SHOC1: variants seen among roughly 807,000 people sequenced by gnomAD.
The protein encoded by SHOC1 is shortage in chiasmata 1.
Under a neutral mutation model 179.2 loss-of-function variants are expected in SHOC1, and 136 were observed. The ratio of observed to expected loss-of-function variants is 0.76; its 90% CI spans 0.66 to 0.87. The LOEUF is 0.87. Among genes scored for constraint, SHOC1 ranks in the 40% least tolerant of loss-of-function variants. SHOC1 has a pLI of 0.00. For missense variants in SHOC1, 1,538 were observed against 1,700.8 expected (o/e 0.90, Z 1.68); for synonymous variants, 489 against 586.6 (o/e 0.83, Z 2.41).
chr9:111,745,743 T>C (rs1201380747), intron 10 of SHOC1, among the ~76,000 whole-genome samples: 2 of 152,204 alleles, frequency 1.3e-5, no homozygotes, highest in Non-Finnish European at 2.9e-5. Flanking sequence ...ATCTGTGGTA[T>C]TTGTTAGGGC....
At chr9:111,763,174 A>G (rs1835210675) in intron 5 of SHOC1, among the ~76,000 whole-genome samples, 2 of 151,982 alleles carry the variant, frequency 1.3e-5, no homozygotes, top group Non-Finnish European at 2.9e-5. Context: ...TTATGAAGAA[A>G]AATTTTAAAC....
At chr9:111,716,708 T>A (rs930031473) in intron 16 of SHOC1, among the ~76,000 whole-genome samples, 1 of 152,276 alleles carries the variant, frequency 6.6e-6, no homozygotes, top group Admixed American at 6.5e-5. Flanking sequence ...ATTATTTATT[T>A]AATCCAAGGC....
chr9:111,728,890 C>T (rs2131442185), intron 12 of SHOC1, among the ~76,000 whole-genome samples: 1 of 152,232 alleles, frequency 6.6e-6, no homozygotes, highest in South Asian at 2.1e-4. Flanking sequence ...TCGACCATCA[C>T]AATAAAGTAA....
chr9:111,744,085 A>C (rs1242354681), intron 10 of SHOC1, among the ~76,000 whole-genome samples: 1 of 152,222 alleles, frequency 6.6e-6, no homozygotes, highest in Admixed American at 6.5e-5. Context: ...CTTGTGATTA[A>C]AAAGAGCTTA....
Position 111,787,507 on chromosome 9 carries a change from G to T in SHOC1, c.46-1472C>A, listed in dbSNP as rs572925122. ...TATAGAGGTGATAGAAATAGCAAGA[G>T]AATTTGAATTAAAAATGGAGCCTGA... On this transcript the variant is annotated intron_variant, in intron 2 of 27. Transcript: ENST00000682961. 2.6e-5 allele frequency among the ~76,000 whole-genome samples: 4 copies of T among 152,300 alleles called. No homozygotes were observed. The South Asian group carries it at 8.3e-4, about 32-fold the overall frequency.
At chr9:111,713,035 G>T in intron 18 of SHOC1, 65 bp downstream of exon 18, 1 of 1,007,014 alleles carries the variant, frequency 9.9e-7, no homozygotes, top group Non-Finnish European at 1.5e-6. Context: ...AAGCTGGTTA[G>T]ATCAATACAC....
intron 10 of SHOC1, among the ~76,000 whole-genome samples, chr9:111,743,751 G>A (rs1306771040): frequency 6.6e-6 from 1 of 152,106 alleles, no homozygotes; most frequent in Non-Finnish European, 1.5e-5. Flanking sequence ...AGTATATATA[G>A]GGTTCAATAA....
At chr9:111,794,290 A>T (rs1836549470) in intron 1 of SHOC1, among the ~76,000 whole-genome samples, 1 of 122,000 alleles carries the variant, frequency 8.2e-6, no homozygotes, top group African/African-American at 2.9e-5. Flanking sequence ...AAAAAAAAAA[A>T]ATAATAAGAT....
rs144528529 is a variant in SHOC1, at chr9:111,722,501, G to A, written c.2039C>T (p.Thr680Ile). The A allele has an allele frequency of 4.7e-5, 75 of 1,612,856 alleles. No homozygotes were observed. Among genetic ancestry groups the A allele is most frequent in the Non-Finnish European group, 5.9e-5 (70 of 1,179,756 alleles). ...AACAGTGGCAAATTTCCAATTAGCA[G>A]TAGGGAGGGTACACAAGGATACAAG... The part of the protein sequence containing the change: ...KNLVSLCTLP[T>I]ANWKFATVIF... The change falls in exon 15 of 28, where the codon ACT becomes ATT. Residue 680 changes from threonine to isoleucine, a missense_variant. By Grantham distance (89) the Thr-to-Ile change is moderately conservative. Coordinates refer to ENST00000682961, the MANE Select transcript of SHOC1 (RefSeq NM_001378211.1).
intron 26 of SHOC1, among the ~76,000 whole-genome samples, chr9:111,693,421 C>CAAAAAA (rs59200447): frequency 5.8e-5 from 5 of 85,820 alleles, no homozygotes; most frequent in Non-Finnish European, 1.2e-4. Context: ...CCCGTTTCTA[C>CAAAAAA]AAAAAAAAAA....
intron 18 of SHOC1, 33 bp downstream of exon 18, chr9:111,713,067 T>C (rs745555694): frequency 1.7e-5 from 22 of 1,267,852 alleles, no homozygotes; most frequent in Non-Finnish European, 2.3e-5. Flanking sequence ...CAAGCATTTG[T>C]TATCAAATGA....
At position 111,702,140 on chromosome 9, in the gene SHOC1, C is replaced by A. The variant is rs754701087; in HGVS notation, c.3054G>T (p.Trp1018Cys). ...MALSLQYRYC[W>C]IILYTKETLN... ...ATGTTTCTTTGGTATATAAAATTAT[C>A]CAACAATATCTGTACTGTAATGATA... Residue 1018 changes from tryptophan (W) to cysteine (C), a missense_variant, in exon 23 of 28, where the codon TGG (tryptophan) becomes TGT (cysteine). By Grantham distance (215) the Trp-to-Cys change is radical. Transcript: ENST00000682961. 6.1e-6 allele frequency: 9 copies of A among 1,483,804 alleles called. No homozygotes were observed. In the East Asian group the frequency reaches 1.9e-4, roughly 31 times the overall value. The allele number at this position is 1,483,804 out of a possible 1,614,324, so 91.9% of individuals were successfully genotyped here. A position where few individuals can be genotyped will look rare whatever the true frequency, so the allele number is the denominator to read the frequency against.
rs968860284 is a variant in SHOC1 at position 111,707,855 on chromosome 9, C to T, written c.2558G>A (p.Gly853Asp). 1.0e-5 allele frequency: 16 copies of T among 1,567,238 alleles called. No individual in the cohort carries two copies. In the Admixed American group the frequency reaches 2.2e-4, roughly 21 times the overall value. Residue 853 changes from glycine (G) to aspartate (D), a missense_variant and splice_region_variant, in exon 19 of 28, where the codon GGT (glycine) becomes GAT (aspartate). By Grantham distance (94) the Gly-to-Asp change is moderately conservative. Coordinates refer to ENST00000682961, the MANE Select transcript of SHOC1 (RefSeq NM_001378211.1). ...CACAGATGAAGGAATGAATTTTTAC[C>T]CCCTTAAAACACCTTCAGATTCCAG... ...DFLESEGVLR[G>D]TSSCVVVHNQ...
intron 12 of SHOC1, among the ~76,000 whole-genome samples, chr9:111,731,476 A>C (rs918986191): frequency 1.3e-5 from 2 of 152,162 alleles, no homozygotes; most frequent in African/African-American, 4.8e-5. Context: ...ACAGACATAG[A>C]GTGGGCCAAG....
At chr9:111,760,214 T>G (rs1368962074) in intron 5 of SHOC1, among the ~76,000 whole-genome samples, 2 of 152,220 alleles carry the variant, frequency 1.3e-5, no homozygotes, top group Admixed American at 1.3e-4. Context: ...TATATGGTCT[T>G]GTTTTCCATC....
Position 111,693,809 on chromosome 9 carries a change from T to G in SHOC1, c.3455A>C (p.Lys1152Thr), listed in dbSNP as rs1685730415. Residue 1152 changes from lysine (K) to threonine (T), a missense_variant, in exon 26 of 28, where the codon AAA (lysine) becomes ACA (threonine). Lys to Thr is a moderately conservative substitution (Grantham distance 78). Coordinates refer to ENST00000682961, the MANE Select transcript of SHOC1 (RefSeq NM_001378211.1). ...TCTCAAATAACTAACCTTTAACACT[T>G]TTTCTGGGACTTCAGGTAGGAGTTC... ...LQELLPEVPEKVLKHFCSITS... is the reference protein window; with the variant it reads ...LQELLPEVPETVLKHFCSITS... 6.2e-7 allele frequency: 1 copy of G among 1,606,878 alleles called. No individual in the cohort carries two copies. Among genetic ancestry groups the G allele is most frequent in the Non-Finnish European group, 8.5e-7 (1 of 1,176,176 alleles).
Position 111,760,376 on chromosome 9 carries a change from A to G in SHOC1, c.443-1528T>C, listed in dbSNP as rs551314286. The stretch of plus-strand genomic sequence containing the variant: ...CTGGAGTTCTTATTTTACTACAGCT[A>G]ATACATGTACTATACAGATATAAGG... On this transcript the variant is annotated intron_variant, in intron 5 of 27. Transcript: ENST00000682961. Among the ~76,000 whole-genome samples the G allele has an allele frequency of 2.0e-5, 3 of 152,288 alleles. No homozygotes were observed. In the South Asian group the frequency reaches 6.2e-4, roughly 32 times the overall value.
chr9:111,791,944 T>A (rs1163846817), intron 1 of SHOC1, among the ~76,000 whole-genome samples: 1 of 151,962 alleles, frequency 6.6e-6, no homozygotes, highest in Non-Finnish European at 1.5e-5. Flanking sequence ...ATTTCTCAAG[T>A]GGTCTTGAAA....
At chr9:111,781,592 G>A (rs192055509) in intron 3 of SHOC1, among the ~76,000 whole-genome samples, 90 of 151,696 alleles carry the variant, frequency 5.9e-4, no homozygotes, top group Non-Finnish European at 1.1e-3. Flanking sequence ...GCATGGTAGT[G>A]CATGCCTCTA....
Sources: allele counts gnomAD v4.1 joint callset (sites outside exome capture counted in the v4.1 genomes callset), GRCh38; gene constraint gnomAD v4.1.1; transcripts MANE v1.5; gene names NCBI Gene and HGNC (gene_info 2026-07-23, HGNC 2026-07-21).